HMGA2: variants seen among roughly 807,000 people sequenced by gnomAD.
HMGA2 encodes high mobility group AT-hook 2.
A neutral mutation model predicts 19.1 loss-of-function variants in HMGA2; 8 were observed. The observed-to-expected ratio is 0.42, with a 90% CI of 0.25 to 0.76. The LOEUF (loss-of-function observed/expected upper bound fraction) is 0.76. Ranked by LOEUF, HMGA2 falls within the 30% of genes least tolerant of loss-of-function variation. HMGA2 has a pLI of 0.28. For missense variants in HMGA2, 109 were observed against 136.3 expected, an observed-to-expected ratio of 0.80 and a Z score of 1.00; for synonymous variants, 60 against 48.8, an observed-to-expected ratio of 1.23 and a Z score of -0.96.
intron 3 of HMGA2, among the ~76,000 whole-genome samples, chr12:65,879,833 T>A (rs75676469): frequency 0.028 from 4,305 of 152,304 alleles, 217 homozygotes; most frequent in African/African-American, 0.099. Context: ...GGGAACAGGG[T>A]GCAAAGATCT....
chr12:65,951,519 T>C, intron 4 of HMGA2, 104 bp downstream of exon 4: 2 of 783,806 alleles, frequency 2.6e-6, no homozygotes, highest in South Asian at 3.2e-5. Flanking sequence ...TTCTTACTTT[T>C]GGTTATCGTC....
At chr12:65,884,953 A>T (rs1873592621) in intron 3 of HMGA2, among the ~76,000 whole-genome samples, 1 of 152,208 alleles carries the variant, frequency 6.6e-6, no homozygotes, top group South Asian at 2.1e-4. Flanking sequence ...TGTATTAATC[A>T]CTTGTGACTT....
intron 3 of HMGA2, among the ~76,000 whole-genome samples, chr12:65,931,287 C>G (rs1237044814): frequency 3.3e-5 from 5 of 152,104 alleles, no homozygotes; most frequent in Non-Finnish European, 5.9e-5. Flanking sequence ...ATTCTGCAAG[C>G]CATCTTGTTG....
At chr12:65,848,787 C>T (rs1349201083) in intron 3 of HMGA2, among the ~76,000 whole-genome samples, 3 of 151,882 alleles carry the variant, frequency 2.0e-5, no homozygotes, top group African/African-American at 7.3e-5. Context: ...ACCCGGGAGG[C>T]GGAGCTTGCA....
chr12:65,860,522 A>T (rs542029588), intron 3 of HMGA2, among the ~76,000 whole-genome samples: 1 of 152,330 alleles, frequency 6.6e-6, no homozygotes, highest in South Asian at 2.1e-4. Flanking sequence ...TTGAACAGTT[A>T]TCTTTACCAG....
chr12:65,891,111 T>A (rs1019908846), intron 3 of HMGA2, among the ~76,000 whole-genome samples: 3 of 152,204 alleles, frequency 2.0e-5, no homozygotes, highest in Non-Finnish European at 4.4e-5. Flanking sequence ...TGGAACCAGT[T>A]GACTTTTTAA....
intron 3 of HMGA2, among the ~76,000 whole-genome samples, chr12:65,896,595 T>G (rs1874140679): frequency 6.6e-6 from 1 of 152,228 alleles, no homozygotes; most frequent in African/African-American, 2.4e-5. Context: ...CACATTTGTG[T>G]GCGTGTGCAG....
chr12:65,952,204 C>A lies in HMGA2; in HGVS notation c.282+789C>A, dbSNP rs528974100. The A allele has an allele frequency of 9.1e-4, 529 of 581,640 alleles. 1 individual carries two copies. The highest frequency in any genetic ancestry group is 1.2e-3 in the Non-Finnish European group (395 of 327,996). The allele number at this position is 581,640 out of a possible 1,614,324, so 36.0% of individuals were successfully genotyped here. ...TGTATGTAAATAGTCATTGGAGATC[C>A]AGGTGGTATCATGCTGAACCTGCTA... On this transcript the variant is annotated intron_variant, in intron 4 of 4. Transcript: ENST00000403681.
rs1457257561 is a variant in HMGA2 at position 65,828,011 on chromosome 12, G to A, written c.122G>A (p.Gly41Asp). The A allele has an allele frequency of 1.2e-6, 2 of 1,612,806 alleles. No homozygotes were observed. Among genetic ancestry groups the A allele is most frequent in the Non-Finnish European group, 1.7e-6 (2 of 1,178,964 alleles). The change falls in exon 2 of 5, where the codon GGT becomes GAT. Residue 41 changes from glycine to aspartate, a missense_variant. Gly to Asp is a moderately conservative substitution (Grantham distance 94). Transcript: ENST00000403681. ...TTCCCTCACAATTAGGAACCAACCG[G>A]TGAGCCCTCTCCTAAGAGACCCAGG... The part of the protein sequence containing the change: ...RPRKQQQEPT[G>D]EPSPKRPRGR...
intron 3 of HMGA2, among the ~76,000 whole-genome samples, chr12:65,873,279 C>G (rs1257441177): frequency 1.3e-5 from 2 of 152,232 alleles, no homozygotes; most frequent in African/African-American, 4.8e-5. Flanking sequence ...AGCCATGTGT[C>G]TGCACCTGTA....
chr12:65,938,816 A>G (rs1875983210), intron 3 of HMGA2, among the ~76,000 whole-genome samples: 1 of 152,090 alleles, frequency 6.6e-6, no homozygotes, highest in Non-Finnish European at 1.5e-5. Flanking sequence ...AGCATGTACC[A>G]TCACACCCGG....
intron 2 of HMGA2, among the ~76,000 whole-genome samples, chr12:65,835,071 G>C (rs1870655730): frequency 2.6e-5 from 4 of 152,132 alleles, no homozygotes; most frequent in Admixed American, 2.6e-4. Context: ...CTCTTGATGT[G>C]AGCAATAAAT....
intron 2 of HMGA2, chr12:65,830,654 A>G (rs1870437296): frequency 1.3e-5 from 2 of 151,934 alleles, no homozygotes; most frequent in Admixed American, 1.3e-4. Context: ...TTATATTTGG[A>G]TTCAGTAATT....
At position 65,915,399 on chromosome 12, in the gene HMGA2, C is replaced by T. The variant is rs544884142; in HGVS notation, c.250-35984C>T. 109 of 1,289,734 alleles carry T rather than the reference C, an allele frequency of 8.5e-5. 1 individual carries two copies. Among genetic ancestry groups the T allele is most frequent in the African/African-American group, 6.7e-4 (44 of 65,778 alleles). The allele number at this position is 1,289,734 out of a possible 1,614,324, so 79.9% of individuals were successfully genotyped here. A position where few individuals can be genotyped will look rare whatever the true frequency, so the allele number is the denominator to read the frequency against. On this transcript the variant is annotated intron_variant, in intron 3 of 4. Coordinates refer to ENST00000403681, the MANE Select transcript of HMGA2 (RefSeq NM_003483.6). Reference sequence around the variant, plus strand: ...CTAGGCACATGCAGAGCCATGCCTGCGGGGACAGCTTAGAGAGTAGAGGGT... The same window carrying T: ...CTAGGCACATGCAGAGCCATGCCTGTGGGGACAGCTTAGAGAGTAGAGGGT...
At chr12:65,930,600 C>T (rs927087866) in intron 3 of HMGA2, among the ~76,000 whole-genome samples, 3 of 152,174 alleles carry the variant, frequency 2.0e-5, no homozygotes, top group Non-Finnish European at 4.4e-5. Context: ...TGGGATTCTG[C>T]GCCTTGGGAT....
At chr12:65,842,069 T>A in intron 3 of HMGA2, 1 of 1,279,880 alleles carries the variant, frequency 7.8e-7, no homozygotes, top group South Asian at 1.3e-5. Context: ...TTTTCATGTG[T>A]GTGCGTGTGT....
intron 3 of HMGA2, among the ~76,000 whole-genome samples, chr12:65,852,880 G>A (rs967514446): frequency 6.6e-6 from 1 of 152,220 alleles, no homozygotes; most frequent in African/African-American, 2.4e-5. Context: ...GACCTCTCCA[G>A]TAGTAGACAT....
At chr12:65,874,935 C>G (rs1412155232) in intron 3 of HMGA2, among the ~76,000 whole-genome samples, 1 of 152,154 alleles carries the variant, frequency 6.6e-6, no homozygotes, top group Non-Finnish European at 1.5e-5. Context: ...TGGGATCTCA[C>G]ACATCTGCAG....
chr12:65,906,624 C>G (rs1874603198), intron 3 of HMGA2, among the ~76,000 whole-genome samples: 1 of 152,078 alleles, frequency 6.6e-6, no homozygotes, highest in Non-Finnish European at 1.5e-5. Context: ...TAGTTCAACT[C>G]ATAGAATACT....
Sources: gnomAD v4.1 joint callset for allele counts (sites outside exome capture counted in the v4.1 genomes callset) on GRCh38, gnomAD v4.1.1 for gene constraint, MANE v1.5 for transcripts, NCBI Gene and HGNC (gene_info 2026-07-23, HGNC 2026-07-21) for gene names.